Variants in MAGI2 observed in about 807,000 individuals in gnomAD.
MAGI2 encodes the protein membrane associated guanylate kinase, WW and PDZ domain containing 2, also known as membrane-associated guanylate kinase, WW and PDZ domain-containing protein 2.
In MAGI2, 35 loss-of-function variants were observed where a neutral mutation model predicts 133.3. The ratio of observed to expected loss-of-function variants is 0.26; its 90% CI spans 0.20 to 0.35. The LOEUF (loss-of-function observed/expected upper bound fraction) is 0.35, where lower values mean the gene tolerates loss of function less well. MAGI2 is among the 10% of genes least tolerant of loss of function. The probability of loss-of-function intolerance (pLI) is 1.00; values close to 1 mark genes in which losing one functional copy is unlikely to be tolerated. For missense variants in MAGI2, 1,636 were observed against 1,863.4 expected, an observed-to-expected ratio of 0.88 and a Z score of 2.25; for synonymous variants, 729 against 710.6, an observed-to-expected ratio of 1.03 and a Z score of -0.41.
At chr7:78,831,200 A>G (rs1218884811) in intron 2 of MAGI2, among the ~76,000 whole-genome samples, 1 of 152,128 alleles carries the variant, frequency 6.6e-6, no homozygotes, top group African/African-American at 2.4e-5. Flanking sequence ...TTCATGCCCT[A>G]TTAGGCCCCA....
At chr7:78,499,369 A>G (rs1794417094) in intron 5 of MAGI2, among the ~76,000 whole-genome samples, 1 of 152,180 alleles carries the variant, frequency 6.6e-6, no homozygotes, top group Non-Finnish European at 1.5e-5. Flanking sequence ...GTATCACAAA[A>G]TTCAGAAATT....
chr7:79,133,682 T>C (rs926376494), intron 1 of MAGI2, among the ~76,000 whole-genome samples: 2 of 152,202 alleles, frequency 1.3e-5, no homozygotes, highest in African/African-American at 4.8e-5. Flanking sequence ...TATCCCATAA[T>C]ATAATACCAA....
At chr7:78,568,295 T>A (rs1167583106) in intron 3 of MAGI2, 1 of 152,220 alleles carries the variant, frequency 6.6e-6, no homozygotes, top group Non-Finnish European at 1.5e-5. Context: ...TTCAAATTTA[T>A]GTCCCTAGCT....
intron 1 of MAGI2, among the ~76,000 whole-genome samples, chr7:79,233,831 G>C (rs1460720831): frequency 6.7e-6 from 1 of 149,438 alleles, no homozygotes; most frequent in African/African-American, 2.5e-5. Context: ...ATTTGATCCT[G>C]TCATTATGAT....
At chr7:78,708,518 G>T (rs1039946535) in intron 2 of MAGI2, among the ~76,000 whole-genome samples, 28 of 152,202 alleles carry the variant, frequency 1.8e-4, no homozygotes, top group African/African-American at 6.0e-4. Flanking sequence ...AGTGTTTATT[G>T]TATCCCAGGC....
intron 20 of MAGI2, among the ~76,000 whole-genome samples, chr7:78,084,532 A>G (rs1378228849): frequency 6.6e-6 from 1 of 152,236 alleles, no homozygotes; most frequent in Non-Finnish European, 1.5e-5. Flanking sequence ...TTCTTGAAAT[A>G]CTGCCTTACG....
intron 1 of MAGI2, among the ~76,000 whole-genome samples, chr7:79,273,989 G>C (rs1302821696): frequency 6.6e-6 from 1 of 152,066 alleles, no homozygotes; most frequent in African/African-American, 2.4e-5. Flanking sequence ...CAGTTCAACA[G>C]AAGTCATAAT....
intron 14 of MAGI2, among the ~76,000 whole-genome samples, chr7:78,168,629 T>C (rs1825839033): frequency 6.6e-6 from 1 of 152,236 alleles, no homozygotes; most frequent in Non-Finnish European, 1.5e-5. Context: ...CCTCAGTTTC[T>C]TCACTTGCAA....
intron 2 of MAGI2, among the ~76,000 whole-genome samples, chr7:78,794,316 A>T (rs1300543308): frequency 6.6e-6 from 1 of 152,176 alleles, no homozygotes; most frequent in Non-Finnish European, 1.5e-5. Context: ...TGAGCAATGA[A>T]ACTCTAACTG....
chr7:79,180,872 A>T (rs920509119), intron 1 of MAGI2, among the ~76,000 whole-genome samples: 2 of 151,934 alleles, frequency 1.3e-5, no homozygotes, highest in African/African-American at 4.8e-5. Context: ...ATTGATCAAA[A>T]CAAAAGGGGT....
intron 1 of MAGI2, among the ~76,000 whole-genome samples, chr7:79,166,435 C>T (rs910049386): frequency 2.0e-5 from 3 of 152,070 alleles, no homozygotes; most frequent in East Asian, 1.9e-4. Context: ...AAGATCCCAA[C>T]GCCTCAAATG....
intron 2 of MAGI2, among the ~76,000 whole-genome samples, chr7:78,824,211 A>G (rs1216116011): frequency 6.6e-6 from 1 of 152,244 alleles, no homozygotes; most frequent in Non-Finnish European, 1.5e-5. Flanking sequence ...CACACAAGGT[A>G]TAATCAAAGA....
In MAGI2 at chr7:78,167,922, A is replaced by G. The variant is rs1186842168; in HGVS notation, c.2590T>C (p.Cys864Arg). The G allele has an allele frequency of 6.2e-7, 1 of 1,613,872 alleles. No individual in the cohort carries two copies. The highest frequency in any genetic ancestry group is 1.3e-5 in the African/African-American group (1 of 74,920). ...GCAGGCTCCAGGTACATACCTCCAC[A>G]TAGCACCTTTCTTCTCACAGTGAGG... ...VNLTVRRKVL[C>R]GGEPCPENGR... Residue 864 changes from cysteine (C) to arginine (R), a missense_variant, in exon 15 of 22, where the codon TGT becomes CGT. Cys to Arg is a radical substitution (Grantham distance 180). Coordinates refer to ENST00000354212, the MANE Select transcript of MAGI2 (RefSeq NM_012301.4).
intron 1 of MAGI2, among the ~76,000 whole-genome samples, chr7:79,418,819 T>C (rs1846722741): frequency 1.4e-5 from 2 of 139,572 alleles, no homozygotes; most frequent in Admixed American, 1.5e-4. Context: ...AAAAGCAAGT[T>C]CCAATACACA....
intron 11 of MAGI2, among the ~76,000 whole-genome samples, chr7:78,196,682 C>T (rs1029520394): frequency 6.6e-6 from 1 of 152,160 alleles, no homozygotes; most frequent in African/African-American, 2.4e-5. Context: ...CTGCCCTGCC[C>T]ACCTGGGACT....
intron 3 of MAGI2, among the ~76,000 whole-genome samples, chr7:78,582,419 T>C (rs1035620316): frequency 1.3e-5 from 2 of 152,208 alleles, no homozygotes; most frequent in African/African-American, 4.8e-5. Context: ...AGGGAACAAT[T>C]GCACCTGGAA....
intron 6 of MAGI2, among the ~76,000 whole-genome samples, chr7:78,409,758 T>A (rs1797702175): frequency 6.6e-6 from 1 of 152,054 alleles, no homozygotes; most frequent in African/African-American, 2.4e-5. Flanking sequence ...TTTAGGTACA[T>A]GTTTCTTGAA....
chr7:79,120,731 G>C (rs1393879234), intron 1 of MAGI2, among the ~76,000 whole-genome samples: 1 of 151,936 alleles, frequency 6.6e-6, no homozygotes, highest in Non-Finnish European at 1.5e-5. Flanking sequence ...TTTAGTGGTT[G>C]TTACAAATTT....
At chr7:78,371,696 C>T (rs1322003335) in intron 6 of MAGI2, among the ~76,000 whole-genome samples, 1 of 152,014 alleles carries the variant, frequency 6.6e-6, no homozygotes, top group Non-Finnish European at 1.5e-5. Context: ...TACTGTCCCA[C>T]TTGTTATCAT....
Sources: allele counts gnomAD v4.1 joint callset (sites outside exome capture counted in the v4.1 genomes callset), GRCh38; gene constraint gnomAD v4.1.1; transcripts MANE v1.5; gene names NCBI Gene and HGNC (gene_info 2026-07-23, HGNC 2026-07-21).